The following EFCAB11 variants were observed in gnomAD, a reference collection of about 807,000 sequenced individuals.
EFCAB11 encodes the protein EF-hand calcium-binding domain-containing protein 11.
Under a neutral mutation model 23.0 loss-of-function variants are expected in EFCAB11, and 14 were observed. The ratio of observed to expected loss-of-function variants is 0.61; its 90% CI spans 0.40 to 0.95. The LOEUF (loss-of-function observed/expected upper bound fraction) is 0.95. Among genes scored for constraint, EFCAB11 ranks in the 40% least tolerant of loss-of-function variants. The pLI is 0.00. For missense variants in EFCAB11, 198 were observed against 195.8 expected (o/e 1.01, Z -0.07); for synonymous variants, 65 against 66.6 (o/e 0.98, Z 0.11).
chr14:89,862,988 A>G (rs1952771), intron 5 of EFCAB11, among the ~76,000 whole-genome samples: 97,871 of 152,042 alleles, frequency 0.64, 33,661 homozygotes, highest in Non-Finnish European at 0.79. Flanking sequence ...GTTTCCATAC[A>G]TTTACTAAGC....
intron 5 of EFCAB11, among the ~76,000 whole-genome samples, chr14:89,917,940 T>C (rs574408577): frequency 5.9e-5 from 9 of 152,186 alleles, no homozygotes; most frequent in African/African-American, 2.2e-4. Context: ...GACAATACAG[T>C]GCAATGAAAG....
At position 89,942,604 on chromosome 14, in the gene EFCAB11, C is replaced by A. The variant is rs74942191; in HGVS notation, c.217+7493G>T. Among the ~76,000 whole-genome samples, 414 of 152,256 alleles carry A rather than the reference C, an allele frequency of 2.7e-3. 1 individual carries two copies. Among genetic ancestry groups the A allele is most frequent in the Non-Finnish European group, 5.0e-3 (339 of 68,000 alleles). ...AGGTAGCAAGACTATAAATCAGAAC[C>A]AACCTCAACTGTGATCTGCCGCTTC... On this transcript the variant is annotated intron_variant, in intron 3 of 5. Transcript: ENST00000316738.
intron 5 of EFCAB11, among the ~76,000 whole-genome samples, chr14:89,840,935 A>G (rs1437702652): frequency 6.6e-6 from 1 of 152,220 alleles, no homozygotes; most frequent in East Asian, 1.9e-4. Flanking sequence ...TAAGTTACCA[A>G]TATCTAAAAT....
chr14:89,815,664 T>G (rs1886312738), intron 5 of EFCAB11, among the ~76,000 whole-genome samples: 1 of 152,092 alleles, frequency 6.6e-6, no homozygotes, highest in Admixed American at 6.5e-5. Context: ...GACCTCATAA[T>G]CCACCCGCCT....
At chr14:89,924,675 C>T in intron 5 of EFCAB11, 1 of 1,535,592 alleles carries the variant, frequency 6.5e-7, no homozygotes. Flanking sequence ...ACTGAAAATG[C>T]CTCTGAAATA....
At chr14:89,896,250 G>A (rs1479059813) in intron 5 of EFCAB11, among the ~76,000 whole-genome samples, 1 of 152,118 alleles carries the variant, frequency 6.6e-6, no homozygotes, top group Non-Finnish European at 1.5e-5. Context: ...CGGGCGTGGC[G>A]GCGGACCCCT....
chr14:89,838,248 A>G (rs897072377), intron 5 of EFCAB11, among the ~76,000 whole-genome samples: 1 of 152,244 alleles, frequency 6.6e-6, no homozygotes, highest in Non-Finnish European at 1.5e-5. Flanking sequence ...CTCAGTCATA[A>G]TAGAGATTAC....
At chr14:89,914,456 C>G (rs1413016026) in intron 5 of EFCAB11, among the ~76,000 whole-genome samples, 2 of 152,172 alleles carry the variant, frequency 1.3e-5, no homozygotes, top group African/African-American at 4.8e-5. Context: ...ACTGGAAAAA[C>G]TGAGCAGTAA....
chr14:89,930,553 T>C (rs938507960), intron 5 of EFCAB11, among the ~76,000 whole-genome samples: 1 of 152,216 alleles, frequency 6.6e-6, no homozygotes, highest in Admixed American at 6.5e-5. Context: ...GCATACCTTC[T>C]ACTTTCTTTT....
At chr14:89,834,359 G>C (rs1261269860) in intron 5 of EFCAB11, among the ~76,000 whole-genome samples, 1 of 114,338 alleles carries the variant, frequency 8.7e-6, no homozygotes, top group Non-Finnish European at 1.6e-5. Flanking sequence ...CTGGGCAACA[G>C]AGTGAGACTC....
At chr14:89,929,739 A>T (rs1383619240) in intron 5 of EFCAB11, among the ~76,000 whole-genome samples, 1 of 152,246 alleles carries the variant, frequency 6.6e-6, no homozygotes, top group Non-Finnish European at 1.5e-5. Context: ...TTAATAGGTG[A>T]CATTATGTTT....
chr14:89,800,277 G>T (rs1461959532), intron 5 of EFCAB11, among the ~76,000 whole-genome samples: 2 of 152,132 alleles, frequency 1.3e-5, no homozygotes, highest in Admixed American at 6.6e-5. Flanking sequence ...TAAGTAAGTC[G>T]ATTACAGTTT....
chr14:89,803,198 C>T (rs970167426), intron 5 of EFCAB11, among the ~76,000 whole-genome samples: 1 of 151,826 alleles, frequency 6.6e-6, no homozygotes, highest in Non-Finnish European at 1.5e-5. Context: ...TCCTTTTGAA[C>T]ATTCCAGCTA....
intron 5 of EFCAB11, among the ~76,000 whole-genome samples, chr14:89,858,900 A>G: frequency 6.6e-6 from 1 of 152,082 alleles, no homozygotes; most frequent in East Asian, 1.9e-4. Flanking sequence ...GTGTGGCAAC[A>G]CCGAAGTTCA....
intron 5 of EFCAB11, among the ~76,000 whole-genome samples, chr14:89,818,975 T>TAG (rs1327869675): frequency 3.3e-5 from 5 of 152,126 alleles, no homozygotes; most frequent in Admixed American, 3.3e-4. Flanking sequence ...GTAAAAAAAC[T>TAG]AGACATATAA....
chr14:89,949,956 C>T lies in EFCAB11; in HGVS notation c.217+141G>A. ...ATCATGAGAACAACATGCGAAAAAC[C>T]CGCCCCCATGATTCAGTTACCTTCC... On this transcript the variant is annotated intron_variant, in intron 3 of 5. Transcript: ENST00000316738. 3.4e-6 allele frequency: 3 copies of T among 893,590 alleles called. No homozygotes were observed. The South Asian group carries it at 4.8e-5, about 14-fold the overall frequency. The allele number at this position is 893,590 out of a possible 1,614,324, so 55.4% of individuals were successfully genotyped here.
intron 3 of EFCAB11, among the ~76,000 whole-genome samples, chr14:89,946,029 G>A (rs8019915): frequency 0.058 from 8,752 of 150,654 alleles, 810 homozygotes; most frequent in African/African-American, 0.2. Context: ...AATGATTCTC[G>A]TGCCTCAGCC....
intron 5 of EFCAB11, among the ~76,000 whole-genome samples, chr14:89,929,700 TAAACATACC>T (rs1227537413): frequency 1.3e-5 from 2 of 152,220 alleles, no homozygotes; most frequent in Non-Finnish European, 2.9e-5. Context: ...CATTCCATTT[TAAACATACC>T]AAACATGCAG....
chr14:89,898,221 C>T (rs1053619076), intron 5 of EFCAB11, among the ~76,000 whole-genome samples: 12 of 152,164 alleles, frequency 7.9e-5, no homozygotes, highest in Admixed American at 3.9e-4. Flanking sequence ...CATTTATCCT[C>T]GCATGTGTAA....
Sources: gnomAD v4.1 joint callset for allele counts (sites outside exome capture counted in the v4.1 genomes callset) on GRCh38, gnomAD v4.1.1 for gene constraint, MANE v1.5 for transcripts, NCBI Gene and HGNC (gene_info 2026-07-23, HGNC 2026-07-21) for gene names.